NCAPG2: variants seen among roughly 807,000 people sequenced by gnomAD.
NCAPG2 encodes the protein non-SMC condensin II complex subunit G2.
NCAPG2 carries 53 observed loss-of-function variants against 141.1 expected under a neutral mutation model. The ratio of observed to expected loss-of-function variants is 0.38; its 90% CI spans 0.30 to 0.47. NCAPG2 has a LOEUF of 0.47. NCAPG2 is among the 20% of genes least tolerant of loss of function. NCAPG2 has a pLI of 0.99. For missense variants in NCAPG2, 1,087 were observed against 1,389.0 expected, an observed-to-expected ratio of 0.78 and a Z score of 3.46; for synonymous variants, 499 against 490.7, an observed-to-expected ratio of 1.02 and a Z score of -0.22.
chr7:158,641,240 G>T, intron 27 of NCAPG2: 1 of 354,072 alleles, frequency 2.8e-6, no homozygotes, highest in Non-Finnish European at 5.0e-6. Context: ...CAAATAACAA[G>T]GGGAACAAAT....
At chr7:158,639,125 T>A (rs1253357230) in intron 27 of NCAPG2, among the ~76,000 whole-genome samples, 4 of 151,914 alleles carry the variant, frequency 2.6e-5, no homozygotes, top group Non-Finnish European at 5.9e-5. Flanking sequence ...TTTTTTTTTT[T>A]AAGACAGGGT....
At chr7:158,637,699 A>C (rs1830382472) in intron 27 of NCAPG2, among the ~76,000 whole-genome samples, 1 of 152,198 alleles carries the variant, frequency 6.6e-6, no homozygotes, top group African/African-American at 2.4e-5. Flanking sequence ...CCACGTAGGA[A>C]GCCAGGTCTC....
rs373917167 is a variant in NCAPG2 at position 158,701,912 on chromosome 7, T to A, written c.-13A>T. 6.2e-7 allele frequency: 1 copy of A among 1,602,790 alleles called. No individual in the cohort carries two copies. Among genetic ancestry groups the A allele is most frequent in the Non-Finnish European group, 8.5e-7 (1 of 1,175,306 alleles). On this transcript the variant is annotated 5_prime_UTR_variant, in exon 2 of 28. Transcript: ENST00000356309. ...CACGTTTTTCCATGACAGATGGCACTGTTCAAATGGCATTTATTTTGTAAC... is the reference window on the plus strand; with the variant it reads ...CACGTTTTTCCATGACAGATGGCACAGTTCAAATGGCATTTATTTTGTAAC...
chr7:158,640,690 C>T (rs928247704), intron 27 of NCAPG2: 1 of 151,936 alleles, frequency 6.6e-6, no homozygotes, highest in South Asian at 2.1e-4. Flanking sequence ...AGTAGACATG[C>T]CTTGAAAGAA....
intron 13 of NCAPG2, chr7:158,667,013 A>T: frequency 5.5e-6 from 3 of 543,674 alleles, no homozygotes; most frequent in Non-Finnish European, 7.0e-6. Flanking sequence ...GTTCCTGCCC[A>T]TAGACAATGC....
At chr7:158,646,624 C>T in intron 24 of NCAPG2, 61 bp from the exon 25 acceptor site, 2 of 1,194,752 alleles carry the variant, frequency 1.7e-6, no homozygotes, top group Admixed American at 2.7e-5. Flanking sequence ...TTGTAAATTA[C>T]ATTGCTTTGG....
At chr7:158,665,793 A>C (rs1254503008) in intron 13 of NCAPG2, among the ~76,000 whole-genome samples, 1 of 152,186 alleles carries the variant, frequency 6.6e-6, no homozygotes, top group East Asian at 1.9e-4. Flanking sequence ...TGCCAAGGTC[A>C]TGATCTCATA....
intron 17 of NCAPG2, among the ~76,000 whole-genome samples, chr7:158,657,581 G>A (rs748168731): frequency 5.9e-5 from 9 of 152,318 alleles, no homozygotes; most frequent in Middle Eastern, 3.4e-3. Context: ...GGTGAGGGGT[G>A]CCTCTGCCTG....
intron 2 of NCAPG2, among the ~76,000 whole-genome samples, chr7:158,695,263 A>G (rs1835377143): frequency 6.6e-6 from 1 of 152,212 alleles, no homozygotes; most frequent in South Asian, 2.1e-4. Flanking sequence ...TAGTTGACTG[A>G]TGGTTAGGGC....
chr7:158,637,584 GCTCCCCAGCAC>G (rs1163448612), intron 27 of NCAPG2, among the ~76,000 whole-genome samples: 2 of 1,554 alleles, frequency 1.3e-3, no homozygotes, highest in Non-Finnish European at 3.0e-3. Flanking sequence ...GGCTCCAGCA[GCTCCCCAGCAC>G]CTCCCCTGCG....
chr7:158,685,439 C>T (rs1834697977), intron 8 of NCAPG2, among the ~76,000 whole-genome samples: 1 of 152,114 alleles, frequency 6.6e-6, no homozygotes, highest in African/African-American at 2.4e-5. Context: ...CACAGTCATC[C>T]CTTGGTATCC....
At chr7:158,679,166 T>A (rs1834291170) in intron 11 of NCAPG2, among the ~76,000 whole-genome samples, 1 of 152,208 alleles carries the variant, frequency 6.6e-6, no homozygotes, top group Non-Finnish European at 1.5e-5. Flanking sequence ...ATTATACTAT[T>A]ACTTTAACTT....
chr7:158,667,311 CCG>C (rs1833070632), intron 13 of NCAPG2: 7 of 216,796 alleles, frequency 3.2e-5, no homozygotes, highest in Admixed American at 2.0e-4. Context: ...CCACCCTTAG[CCG>C]CTACTGTGTC....
chr7:158,667,095 T>A, intron 13 of NCAPG2: 2 of 976,200 alleles, frequency 2.0e-6, no homozygotes, highest in Non-Finnish European at 2.4e-6. Flanking sequence ...TTCTGTAACC[T>A]TAACTTTCAA....
chr7:158,655,626 A>G (rs371244123), intron 19 of NCAPG2, among the ~76,000 whole-genome samples, 171 bp from the exon 20 acceptor site: 204 of 2,048 alleles, frequency 0.1, no homozygotes, highest in South Asian at 0.21. Flanking sequence ...GCTGGGTGGT[A>G]TGGGAAAATG....
chr7:158,693,083 A>G, intron 3 of NCAPG2, 127 bp from the exon 4 acceptor site: 1 of 812,124 alleles, frequency 1.2e-6, no homozygotes, highest in South Asian at 1.9e-5. Flanking sequence ...AAAAAGAATT[A>G]AAGTTGAATA....
chr7:158,651,350 G>T (rs1029418222), intron 23 of NCAPG2, among the ~76,000 whole-genome samples: 9 of 152,282 alleles, frequency 5.9e-5, no homozygotes, highest in Non-Finnish European at 1.3e-4. Flanking sequence ...GAAACCTAAA[G>T]GTTTTGGCAC....
chr7:158,658,463 G>C lies in NCAPG2; in HGVS notation c.1990-55C>G, dbSNP rs143420450. The C allele has an allele frequency of 1.5e-3, 2,113 of 1,452,628 alleles. 5 individuals carry two copies. Among genetic ancestry groups the C allele is most frequent in the Non-Finnish European group, 1.6e-3 (1,686 of 1,079,438 alleles). 90.0% of individuals were successfully genotyped at this position (1,452,628 alleles called of 1,614,324 possible). On this transcript the variant is annotated intron_variant, in intron 16 of 27. Coordinates refer to ENST00000356309, the MANE Select transcript of NCAPG2 (RefSeq NM_017760.7). ...AGCATATGTAAGCACTATAAATTCT[G>C]AAAGTCTCTCTACGTAAATTCCTGA...
At position 158,646,552 on chromosome 7, in the gene NCAPG2, T is replaced by C; in HGVS notation, c.3087A>G (p.Val1029=). 1 of 1,574,038 alleles carries C rather than the reference T, an allele frequency of 6.4e-7. No homozygotes were observed. ...GATGCTCTGGAGGGGTAAGCTCTTC[T>C]ACGTCAGAAACCTAAAAAAGTTCCA... ...ISHQLRKVSD[V]EELTPPEHLS... Residue 1029 remains valine, a synonymous_variant, in exon 25 of 28, where the codon GTA becomes GTG. Coordinates refer to ENST00000356309, the MANE Select transcript of NCAPG2 (RefSeq NM_017760.7).
Sources: allele counts gnomAD v4.1 joint callset (sites outside exome capture counted in the v4.1 genomes callset), GRCh38; gene constraint gnomAD v4.1.1; transcripts MANE v1.5; gene names NCBI Gene and HGNC (gene_info 2026-07-23, HGNC 2026-07-21).